Variants in SMIM35 observed in about 807,000 individuals in gnomAD.
SMIM35 encodes TMPRSS4 antisense RNA 1 (non-protein coding).
chr11:118,052,298 A>C (rs1052482775), intron 1 of SMIM35, among the ~76,000 whole-genome samples: 1 of 152,012 alleles, frequency 6.6e-6, no homozygotes, highest in African/African-American at 2.4e-5. Flanking sequence ...AGGGGACAAA[A>C]GAAGGGCGAG....
At chr11:118,057,962 T>C (rs887417456) in intron 1 of SMIM35, among the ~76,000 whole-genome samples, 1 of 152,232 alleles carries the variant, frequency 6.6e-6, no homozygotes, top group African/African-American at 2.4e-5. Context: ...AAGTAAACGA[T>C]GATATTCATC....
intron 1 of SMIM35, among the ~76,000 whole-genome samples, chr11:118,050,711 A>T (rs1050377407): frequency 6.6e-6 from 1 of 152,138 alleles, no homozygotes; most frequent in Non-Finnish European, 1.5e-5. Flanking sequence ...AAATAGGATA[A>T]ATCAGGGTTG....
At chr11:118,055,021 A>G (rs1365399407) in intron 1 of SMIM35, among the ~76,000 whole-genome samples, 2 of 151,966 alleles carry the variant, frequency 1.3e-5, no homozygotes, top group Non-Finnish European at 1.5e-5. Context: ...ATCGGGCTGG[A>G]CTCAAATTCC....
rs1017514309 is a variant in SMIM35 at position 118,054,556 on chromosome 11, C to T, written c.7+32195G>A. On this transcript the variant is annotated intron_variant, in intron 1 of 4. Coordinates refer to ENST00000689828, the MANE Select transcript of SMIM35 (RefSeq NM_001394165.1). ...CGGTGCCATGGATTTACATCTTGCCCTTTTTGACCTATTTCTTTATGAACA... is the reference window on the plus strand; with the variant it reads ...CGGTGCCATGGATTTACATCTTGCCTTTTTTGACCTATTTCTTTATGAACA... Among the ~76,000 whole-genome samples the T allele has an allele frequency of 2.0e-5, 3 of 152,098 alleles. No individual in the cohort carries two copies. In the East Asian group the frequency reaches 5.8e-4, roughly 29 times the overall value.
At chr11:118,058,777 C>T (rs1244938675) in intron 1 of SMIM35, among the ~76,000 whole-genome samples, 5 of 152,168 alleles carry the variant, frequency 3.3e-5, no homozygotes, top group Non-Finnish European at 7.4e-5. Context: ...CTCGGGGGGC[C>T]TGGGGAAGGA....
intron 1 of SMIM35, among the ~76,000 whole-genome samples, chr11:118,016,537 G>T (rs1034607828): frequency 6.6e-6 from 1 of 152,188 alleles, no homozygotes; most frequent in African/African-American, 2.4e-5. Flanking sequence ...GGTACCAGGA[G>T]TGTGGAAGAA....
intron 1 of SMIM35, among the ~76,000 whole-genome samples, chr11:118,064,163 G>T (rs1944432567): frequency 6.6e-6 from 1 of 152,236 alleles, no homozygotes; most frequent in Non-Finnish European, 1.5e-5. Context: ...CTGGTGTGTG[G>T]GGAGAACCCC....
At chr11:118,077,689 C>T (rs901246588) in intron 1 of SMIM35, among the ~76,000 whole-genome samples, 4 of 152,134 alleles carry the variant, frequency 2.6e-5, no homozygotes, top group African/African-American at 9.7e-5. Context: ...TCTGCCACTC[C>T]CTGGGGAAAC....
intron 1 of SMIM35, among the ~76,000 whole-genome samples, chr11:118,024,222 G>A (rs575563314): frequency 6.6e-6 from 1 of 152,234 alleles, no homozygotes; most frequent in Non-Finnish European, 1.5e-5. Context: ...CTTTTCCTAT[G>A]AGGAATTCTG....
chr11:118,035,353 C>T (rs530243989), intron 1 of SMIM35, among the ~76,000 whole-genome samples: 44 of 152,228 alleles, frequency 2.9e-4, no homozygotes, highest in Middle Eastern at 3.4e-3. Context: ...CCATACTCAA[C>T]AAGGATTTAT....
At chr11:118,067,923 T>C (rs1944508646) in intron 1 of SMIM35, among the ~76,000 whole-genome samples, 2 of 144,742 alleles carry the variant, frequency 1.4e-5, no homozygotes, top group South Asian at 4.4e-4. Context: ...TTTAGTTGTT[T>C]TCTTTGTTTT....
At chr11:118,077,144 C>A in intron 1 of SMIM35, 3 of 763,894 alleles carry the variant, frequency 3.9e-6, no homozygotes, top group Non-Finnish European at 6.2e-6. Flanking sequence ...CGTGAGGGAC[C>A]AAGGCCTGCC....
At chr11:118,042,355 A>T (rs1485568975) in intron 1 of SMIM35, among the ~76,000 whole-genome samples, 1 of 152,128 alleles carries the variant, frequency 6.6e-6, no homozygotes, top group East Asian at 1.9e-4. Context: ...AAAATAGATA[A>T]CTTAGATGAA....
intron 1 of SMIM35, among the ~76,000 whole-genome samples, chr11:118,025,165 A>G (rs1056749058): frequency 1.3e-5 from 2 of 152,092 alleles, no homozygotes; most frequent in Non-Finnish European, 2.9e-5. Context: ...CATCCACTCC[A>G]CTGTTGATGG....
intron 1 of SMIM35, among the ~76,000 whole-genome samples, chr11:118,063,977 A>G (rs1944430517): frequency 6.6e-6 from 1 of 152,202 alleles, no homozygotes; most frequent in Admixed American, 6.5e-5. Context: ...ACCCCAAATG[A>G]AGAACAATTG....
At chr11:118,054,050 T>C (rs954645989) in intron 1 of SMIM35, among the ~76,000 whole-genome samples, 1 of 152,208 alleles carries the variant, frequency 6.6e-6, no homozygotes, top group African/African-American at 2.4e-5. Context: ...CAATTCCCTA[T>C]GCTAGGTATT....
intron 1 of SMIM35, among the ~76,000 whole-genome samples, chr11:118,016,091 T>C (rs1365546842): frequency 6.6e-6 from 1 of 152,182 alleles, no homozygotes; most frequent in African/African-American, 2.4e-5. Flanking sequence ...AGGCATATTC[T>C]ACCTGGAAAA....
intron 1 of SMIM35, among the ~76,000 whole-genome samples, chr11:118,034,690 C>T (rs1783839): frequency 0.77 from 116,652 of 152,140 alleles, 45,112 homozygotes; most frequent in South Asian, 0.86. Flanking sequence ...GGTGACAGAG[C>T]GAGATCCTGT....
chr11:118,021,235 T>C (rs1244505726), intron 1 of SMIM35, among the ~76,000 whole-genome samples: 3 of 152,134 alleles, frequency 2.0e-5, no homozygotes, highest in African/African-American at 7.2e-5. Context: ...TGAATGTTAC[T>C]GAAAATTCAG....
Sources: allele counts gnomAD v4.1 joint callset (sites outside exome capture counted in the v4.1 genomes callset), GRCh38; gene constraint gnomAD v4.1.1; transcripts MANE v1.5; gene names NCBI Gene and HGNC (gene_info 2026-07-23, HGNC 2026-07-21).